Variants in PGM5 observed in about 807,000 individuals in gnomAD.
PGM5 encodes the protein phosphoglucomutase 5.
In PGM5, 23 loss-of-function variants were observed where a neutral mutation model predicts 59.2. The ratio of observed to expected loss-of-function variants is 0.39; its 90% CI spans 0.28 to 0.55. The LOEUF (loss-of-function observed/expected upper bound fraction) is 0.55, where lower values mean the gene tolerates loss of function less well. PGM5 is among the 20% of genes least tolerant of loss of function. The probability of loss-of-function intolerance (pLI) is 0.66; values close to 1 mark genes in which losing one functional copy is unlikely to be tolerated. For synonymous variants in PGM5, 214 were observed against 286.0 expected (o/e 0.75, Z 2.54); for missense variants, 574 against 748.3 (o/e 0.77, Z 2.72).
chr9:68,426,934 A>G (rs1554682741), intron 6 of PGM5: 1 of 152,250 alleles, frequency 6.6e-6, no homozygotes, highest in East Asian at 1.9e-4. Flanking sequence ...GCATCCTAGC[A>G]TGGCCTGGCT....
chr9:68,526,599 G>A (rs1420460039), intron 10 of PGM5, among the ~76,000 whole-genome samples: 1 of 152,192 alleles, frequency 6.6e-6, no homozygotes, highest in South Asian at 2.1e-4. Flanking sequence ...GTTTGCCATT[G>A]TGATCCTCTT....
chr9:68,530,482 G>A lies in PGM5; in HGVS notation c.*826G>A, dbSNP rs1020239225. 1.3e-5 allele frequency: 2 copies of A among 152,166 alleles called. No individual in the cohort carries two copies. The highest frequency in any genetic ancestry group is 4.8e-5 in the African/African-American group (2 of 41,430). 9.4% of individuals were successfully genotyped at this position (152,166 alleles called of 1,614,324 possible). On this transcript the variant is annotated 3_prime_UTR_variant, in exon 11 of 11. Transcript: ENST00000396396. ...TTACATCAAGTATGTTGGTACATGG[G>A]TTTATACAAGTTCCTCTTGAGAAGG... is the stretch of plus-strand genomic sequence containing the variant.
chr9:68,383,686 C>T (rs1233218436), intron 2 of PGM5, among the ~76,000 whole-genome samples: 10 of 126,214 alleles, frequency 7.9e-5, no homozygotes, highest in Non-Finnish European at 1.6e-4. Context: ...TGTTTCTCAA[C>T]CTTGTTGCAA....
chr9:68,426,261 A>T (rs74938889), intron 6 of PGM5, among the ~76,000 whole-genome samples: 2 of 22,804 alleles, frequency 8.8e-5, no homozygotes, highest in African/African-American at 1.8e-4. Context: ...TCATGTATTT[A>T]AAAAAAAAAA....
intron 6 of PGM5, among the ~76,000 whole-genome samples, chr9:68,400,376 C>G (rs1368213335): frequency 2.0e-5 from 3 of 152,130 alleles, no homozygotes; most frequent in African/African-American, 7.2e-5. Context: ...AAATTTGATG[C>G]CCTCACATTT....
intron 6 of PGM5, among the ~76,000 whole-genome samples, chr9:68,392,762 A>G (rs1822398413): frequency 6.6e-6 from 1 of 152,120 alleles, no homozygotes; most frequent in Non-Finnish European, 1.5e-5. Context: ...ATGGATTGTC[A>G]TGAAGTACAA....
At chr9:68,421,041 G>A (rs781819336) in intron 6 of PGM5, among the ~76,000 whole-genome samples, 7 of 152,166 alleles carry the variant, frequency 4.6e-5, no homozygotes, top group African/African-American at 1.4e-4. Context: ...AAGCTAGGTC[G>A]ACGAATAATG....
chr9:68,394,340 G>A (rs1384955493), intron 6 of PGM5: 4 of 152,110 alleles, frequency 2.6e-5, no homozygotes, highest in African/African-American at 9.7e-5. Flanking sequence ...GATGACGCAT[G>A]CCTGTAATCC....
chr9:68,358,461 T>C (rs1285310995), intron 1 of PGM5, among the ~76,000 whole-genome samples: 1 of 152,192 alleles, frequency 6.6e-6, no homozygotes, highest in African/African-American at 2.4e-5. Context: ...CTCTGAATTA[T>C]ATGTGGGAAA....
At chr9:68,367,039 C>T (rs1160346758) in intron 1 of PGM5, among the ~76,000 whole-genome samples, 2 of 151,844 alleles carry the variant, frequency 1.3e-5, no homozygotes, top group Non-Finnish European at 2.9e-5. Context: ...GCTGAGGTGG[C>T]GACTGTTGAA....
At chr9:68,429,565 C>T (rs1461224667) in intron 6 of PGM5, among the ~76,000 whole-genome samples, 2 of 152,184 alleles carry the variant, frequency 1.3e-5, no homozygotes, top group Non-Finnish European at 2.9e-5. Flanking sequence ...AGAAACTCCC[C>T]ACCTGACCAT....
At chr9:68,423,631 C>T (rs1488178709) in intron 6 of PGM5, among the ~76,000 whole-genome samples, 1 of 90,332 alleles carries the variant, frequency 1.1e-5, no homozygotes, top group Non-Finnish European at 2.4e-5. Flanking sequence ...AGCACAAAAT[C>T]TCTCTCTCTC....
intron 10 of PGM5, among the ~76,000 whole-genome samples, chr9:68,513,523 C>T (rs1824783054): frequency 6.6e-6 from 1 of 152,164 alleles, no homozygotes; most frequent in African/African-American, 2.4e-5. Context: ...GAAAGGGAAG[C>T]AAACACGTGA....
intron 9 of PGM5, among the ~76,000 whole-genome samples, chr9:68,494,915 C>T (rs1032875238): frequency 1.3e-5 from 2 of 152,216 alleles, no homozygotes; most frequent in Non-Finnish European, 2.9e-5. Context: ...TTGCTAAATG[C>T]GAAGGCAGGC....
intron 8 of PGM5, among the ~76,000 whole-genome samples, chr9:68,479,880 G>A (rs1165676980): frequency 3.4e-5 from 5 of 145,666 alleles, no homozygotes; most frequent in East Asian, 4.1e-4. Context: ...CCGAGATCCC[G>A]CCACTGCACT....
At chr9:68,499,865 G>C (rs1368557020) in intron 10 of PGM5, among the ~76,000 whole-genome samples, 1 of 152,190 alleles carries the variant, frequency 6.6e-6, no homozygotes, top group Non-Finnish European at 1.5e-5. Context: ...CATTGACAAG[G>C]CTAAGCCAGA....
chr9:68,357,206 C>T lies in PGM5; in HGVS notation c.79C>T (p.Leu27=), dbSNP rs782032898. The T allele has an allele frequency of 2.5e-5, 39 of 1,539,906 alleles. No individual in the cohort carries two copies. Among genetic ancestry groups the T allele is most frequent in the Non-Finnish European group, 3.2e-5 (37 of 1,145,828 alleles). Residue 27 remains leucine, a synonymous_variant, in exon 1 of 11, where the codon CTG becomes TTG. Coordinates refer to ENST00000396396, the MANE Select transcript of PGM5 (RefSeq NM_021965.4). ...EDQRPAGGGG[L]RRPTGLFEGQ... is the part of the protein sequence containing the mutation. Reference sequence around the variant, plus strand: ...CCAGCGGCCGGCCGGCGGCGGGGGTCTGCGGCGACCCACCGGCCTCTTCGA... The same window carrying T: ...CCAGCGGCCGGCCGGCGGCGGGGGTTTGCGGCGACCCACCGGCCTCTTCGA...
intron 7 of PGM5, among the ~76,000 whole-genome samples, chr9:68,472,267 A>G (rs547618487): frequency 5.1e-4 from 77 of 152,312 alleles, no homozygotes; most frequent in African/African-American, 1.8e-3. Context: ...CTGAGCCACA[A>G]TTCAAACCCA....
At chr9:68,488,354 A>G (rs977179519) in intron 9 of PGM5, among the ~76,000 whole-genome samples, 1 of 152,306 alleles carries the variant, frequency 6.6e-6, no homozygotes, top group East Asian at 1.9e-4. Context: ...TAAACCATGG[A>G]AAAAAATCCT....
Sources: gnomAD v4.1 joint callset for allele counts (sites outside exome capture counted in the v4.1 genomes callset) on GRCh38, gnomAD v4.1.1 for gene constraint, MANE v1.5 for transcripts, NCBI Gene and HGNC (gene_info 2026-07-23, HGNC 2026-07-21) for gene names.